SLC71A2: variants seen among roughly 807,000 people sequenced by gnomAD.
SLC71A2 encodes the protein solute carrier family 71 member 2, also known as hippocampus abundant transcript-like 1.
chr9:94,374,870 C>T, the SLC71A2 span: 2 of 1,119,974 alleles, frequency 1.8e-6, no homozygotes, highest in African/African-American at 1.6e-5. Context: ...CGTCGGAGCC[C>T]GAGGCGGGAG....
At chr9:94,418,907 T>G in the SLC71A2 span, among the ~76,000 whole-genome samples, 1 of 152,080 alleles carries the variant, frequency 6.6e-6, no homozygotes, top group Non-Finnish European at 1.5e-5. Flanking sequence ...TCTAATTCTT[T>G]AAACATGGAT....
chr9:94,458,166 G>C, the SLC71A2 span: 1 of 565,312 alleles, frequency 1.8e-6, no homozygotes, highest in South Asian at 2.8e-5. Flanking sequence ...TTTTATAATG[G>C]ATAAAGTCTT....
At chr9:94,405,737 A>G in the SLC71A2 span, among the ~76,000 whole-genome samples, 947 of 152,060 alleles carry the variant, frequency 6.2e-3, 8 homozygotes, top group African/African-American at 0.021. Context: ...AGTGTGAGAT[A>G]ATTTTTTTTC....
chr9:94,384,822 A>G, the SLC71A2 span, among the ~76,000 whole-genome samples: 2 of 149,956 alleles, frequency 1.3e-5, no homozygotes, highest in Admixed American at 1.3e-4. Context: ...GAAAATGGTT[A>G]AAAAAAAAAT....
At chr9:94,383,161 CTTT>C in the SLC71A2 span, among the ~76,000 whole-genome samples, 1 of 105,776 alleles carries the variant, frequency 9.5e-6, no homozygotes, top group Non-Finnish European at 1.8e-5. Context: ...GCTTTTACAT[CTTT>C]TTTTTTTTTT....
chr9:94,420,734 A>G, the SLC71A2 span, among the ~76,000 whole-genome samples: 1 of 151,706 alleles, frequency 6.6e-6, no homozygotes, highest in Non-Finnish European at 1.5e-5. Context: ...CCCCGTCTCT[A>G]CTAAAGATAT....
At chr9:94,382,073 C>G in the SLC71A2 span, among the ~76,000 whole-genome samples, 2 of 151,778 alleles carry the variant, frequency 1.3e-5, no homozygotes, top group Non-Finnish European at 2.9e-5. Flanking sequence ...GTTGCCCAGG[C>G]TGGAGTGCGG....
the SLC71A2 span, among the ~76,000 whole-genome samples, chr9:94,397,587 TTCTGTTCCAGTA>T: frequency 5.2e-5 from 8 of 152,386 alleles, no homozygotes; most frequent in East Asian, 1.5e-3. Context: ...AATGTTCTTT[TTCTGTTCCAGTA>T]TCTCATGCTA....
the SLC71A2 span, among the ~76,000 whole-genome samples, chr9:94,403,847 A>G: frequency 1.3e-5 from 2 of 152,156 alleles, no homozygotes; most frequent in African/African-American, 2.4e-5. Flanking sequence ...CTTATTTAAG[A>G]AAAAAATCAC....
the SLC71A2 span, chr9:94,459,641 A>C: frequency 2.1e-6 from 1 of 471,930 alleles, no homozygotes; most frequent in Non-Finnish European, 3.8e-6. Flanking sequence ...AAGATTTGAA[A>C]TACTTCCTTG....
chr9:94,399,730 C>T, the SLC71A2 span, among the ~76,000 whole-genome samples: 1,598 of 152,144 alleles, frequency 0.011, 28 homozygotes, highest in African/African-American at 0.037. Context: ...TACAGAAATG[C>T]CAGGTGGTCG....
At chr9:94,418,150 C>T in the SLC71A2 span, among the ~76,000 whole-genome samples, 4 of 152,154 alleles carry the variant, frequency 2.6e-5, no homozygotes, top group Admixed American at 6.5e-5. Context: ...CATGAGCCAC[C>T]GTGCCTGGTC....
chr9:94,443,339 T>A, the SLC71A2 span, among the ~76,000 whole-genome samples: 8 of 152,180 alleles, frequency 5.3e-5, no homozygotes, highest in African/African-American at 1.7e-4. Context: ...GCAGTCTACC[T>A]ATCTTCTAGA....
chr9:94,396,985 G>A, the SLC71A2 span, among the ~76,000 whole-genome samples: 1 of 152,084 alleles, frequency 6.6e-6, no homozygotes, highest in African/African-American at 2.4e-5. Context: ...GGTCAGGCTG[G>A]TTTTGAACTC....
chr9:94,440,179 A>G, the SLC71A2 span, among the ~76,000 whole-genome samples: 6 of 151,566 alleles, frequency 4.0e-5, no homozygotes, highest in African/African-American at 1.5e-4. Context: ...TTTGAGACGG[A>G]GTCTCTCTCT....
chr9:94,443,097 T>A, the SLC71A2 span, among the ~76,000 whole-genome samples: 2 of 152,328 alleles, frequency 1.3e-5, no homozygotes, highest in African/African-American at 4.8e-5. Flanking sequence ...GCTGTTGTGC[T>A]GAGCAGTAGT....
chr9:94,428,023 G>A, the SLC71A2 span, among the ~76,000 whole-genome samples: 1 of 151,972 alleles, frequency 6.6e-6, no homozygotes, highest in Non-Finnish European at 1.5e-5. Flanking sequence ...TCGGGAGGAT[G>A]AGGCAAGGAG....
chr9:94,376,155 T>C, the SLC71A2 span, among the ~76,000 whole-genome samples: 1 of 151,328 alleles, frequency 6.6e-6, no homozygotes, highest in Non-Finnish European at 1.5e-5. Flanking sequence ...GTCCTCTTCC[T>C]GCTTGCTACA....
the SLC71A2 span, among the ~76,000 whole-genome samples, chr9:94,435,214 A>G: frequency 8.5e-5 from 13 of 152,220 alleles, no homozygotes; most frequent in African/African-American, 3.1e-4. Context: ...TCTGTAGGCA[A>G]TACCTTTTCC....
Sources: allele counts gnomAD v4.1 joint callset (sites outside exome capture counted in the v4.1 genomes callset), GRCh38; gene constraint gnomAD v4.1.1; transcripts MANE v1.5; gene names NCBI Gene and HGNC (gene_info 2026-07-23, HGNC 2026-07-21).